The following ANKRD30A variants were observed in gnomAD, a reference collection of about 807,000 sequenced individuals.
ANKRD30A encodes the protein ankyrin repeat domain 30A, also known as ankyrin repeat domain-containing protein 30A.
In ANKRD30A, 170 loss-of-function variants were observed where a neutral mutation model predicts 166.3. That is an observed-to-expected ratio of 1.02 (90% CI 0.90 to 1.16). ANKRD30A has a LOEUF of 1.16. Among genes scored for constraint, ANKRD30A ranks in the 50% most tolerant of loss-of-function variants. The probability of loss-of-function intolerance (pLI) is 0.00; values close to 1 mark genes in which losing one functional copy is unlikely to be tolerated. For missense variants in ANKRD30A, 1,630 were observed against 1,518.0 expected (o/e 1.07, Z -1.23); for synonymous variants, 564 against 508.9 (o/e 1.11, Z -1.46).
At chr10:37,240,120 T>C in the ANKRD30A span, among the ~76,000 whole-genome samples, 1 of 152,164 alleles carries the variant, frequency 6.6e-6, no homozygotes, top group Non-Finnish European at 1.5e-5. Flanking sequence ...ATAGATAGTA[T>C]GCTAATTATT....
intron 31 of ANKRD30A, among the ~76,000 whole-genome samples, chr10:37,209,611 G>C (rs1842172957): frequency 6.6e-6 from 1 of 152,046 alleles, no homozygotes; most frequent in Non-Finnish European, 1.5e-5. Context: ...GATTTTGGTG[G>C]GGACACACAT....
At chr10:37,245,863 A>C in the ANKRD30A span, among the ~76,000 whole-genome samples, 1 of 152,184 alleles carries the variant, frequency 6.6e-6, no homozygotes, top group African/African-American at 2.4e-5. Flanking sequence ...TTAGCTGGGT[A>C]ATCTCAGGCC....
At chr10:37,166,081 T>C (rs1174779976) in intron 18 of ANKRD30A, among the ~76,000 whole-genome samples, 2 of 152,140 alleles carry the variant, frequency 1.3e-5, no homozygotes, top group Non-Finnish European at 2.9e-5. Context: ...AAGCCCCTGT[T>C]TACCGAAAGA....
chr10:37,149,301 A>C (rs527318864), intron 9 of ANKRD30A, among the ~76,000 whole-genome samples: 16 of 152,198 alleles, frequency 1.1e-4, no homozygotes, highest in African/African-American at 3.4e-4. Context: ...ATTAAAGAAC[A>C]TGATGAATAG....
the ANKRD30A span, chr10:37,248,299 GT>G: frequency 2.1e-6 from 1 of 473,624 alleles, no homozygotes; most frequent in South Asian, 1.7e-5. Context: ...CCACTGTTCA[GT>G]TCTGGTCATC....
chr10:37,216,342 T>A lies in ANKRD30A; in HGVS notation c.3031T>A (p.Ser1011Thr), dbSNP rs1842608376. 6.2e-7 allele frequency: 1 copy of A among 1,608,212 alleles called. No homozygotes were observed. The highest frequency in any genetic ancestry group is 1.3e-5 in the African/African-American group (1 of 74,476). Reference protein sequence around the residue: ...KKLSEAKEIKSQLENQKVKWE... With the variant: ...KKLSEAKEIKTQLENQKVKWE... ...ACTGTCAGAAGCAAAAGAAATAAAA[T>A]CACAGTTAGAGAACCAAAAAGTTAA... Residue 1011 changes from serine (S) to threonine (T), a missense_variant, in exon 32 of 36, where the codon TCA becomes ACA. Coordinates refer to ENST00000361713, the MANE Select transcript of ANKRD30A (RefSeq NM_052997.3).
chr10:37,223,883 A>C (rs1843003941), intron 34 of ANKRD30A, among the ~76,000 whole-genome samples: 1 of 151,122 alleles, frequency 6.6e-6, no homozygotes, highest in Non-Finnish European at 1.5e-5. Flanking sequence ...CTGGAGGATA[A>C]TTTGGATCAA....
downstream of ANKRD30A, among the ~76,000 whole-genome samples, chr10:37,233,622 A>G (rs577168118): frequency 1.3e-5 from 2 of 152,270 alleles, no homozygotes; most frequent in South Asian, 4.1e-4. Context: ...CTTTGTGCAC[A>G]ATTGGTTTGC....
intron 27 of ANKRD30A, among the ~76,000 whole-genome samples, chr10:37,193,685 T>C (rs1420326689): frequency 1.3e-5 from 2 of 152,088 alleles, no homozygotes; most frequent in Non-Finnish European, 2.9e-5. Context: ...AAATCAGTTT[T>C]TTTTTTATTA....
intron 34 of ANKRD30A, among the ~76,000 whole-genome samples, chr10:37,220,339 T>A (rs1361169515): frequency 6.6e-6 from 1 of 151,144 alleles, no homozygotes; most frequent in Non-Finnish European, 1.5e-5. Context: ...AGCAATTTAC[T>A]TTGACAGTTA....
chr10:37,215,167 CT>C (rs1842539494), intron 31 of ANKRD30A, among the ~76,000 whole-genome samples: 1 of 151,272 alleles, frequency 6.6e-6, no homozygotes, highest in Admixed American at 6.6e-5. Flanking sequence ...TTCATTTTTG[CT>C]TTTTATGGTA....
chr10:37,229,668 T>G (rs1392443889), intron 34 of ANKRD30A, among the ~76,000 whole-genome samples: 1 of 151,958 alleles, frequency 6.6e-6, no homozygotes, highest in Non-Finnish European at 1.5e-5. Context: ...TTCAGCTTCT[T>G]TTTCACGTAT....
intron 24 of ANKRD30A, among the ~76,000 whole-genome samples, chr10:37,182,919 A>G (rs1054393745): frequency 2.0e-5 from 3 of 151,396 alleles, no homozygotes; most frequent in Admixed American, 6.6e-5. Flanking sequence ...TTCAATAAAT[A>G]GTTGTACACT....
the ANKRD30A span, among the ~76,000 whole-genome samples, chr10:37,249,574 T>A: frequency 6.6e-6 from 1 of 152,152 alleles, no homozygotes; most frequent in Non-Finnish European, 1.5e-5. Flanking sequence ...CTACTGAGGA[T>A]CAAACTATAT....
chr10:37,164,758 A>AT (rs1839174715), intron 17 of ANKRD30A, among the ~76,000 whole-genome samples: 1 of 152,122 alleles, frequency 6.6e-6, no homozygotes, highest in Non-Finnish European at 1.5e-5. Context: ...ATGAGAGATG[A>AT]TAGGTAATTA....
At chr10:37,191,098 A>C (rs939172999) in intron 25 of ANKRD30A, among the ~76,000 whole-genome samples, 13 of 151,890 alleles carry the variant, frequency 8.6e-5, no homozygotes, top group Non-Finnish European at 1.6e-4. Context: ...ATTAATATTT[A>C]AAAGTCTGTT....
intron 34 of ANKRD30A, among the ~76,000 whole-genome samples, chr10:37,225,821 T>C (rs544049235): frequency 6.6e-6 from 1 of 151,960 alleles, no homozygotes; most frequent in Non-Finnish European, 1.5e-5. Flanking sequence ...TGAGATATAA[T>C]TAACATGCCA....
the ANKRD30A span, among the ~76,000 whole-genome samples, chr10:37,257,181 T>C: frequency 2.0e-5 from 3 of 152,268 alleles, no homozygotes; most frequent in Admixed American, 6.5e-5. Context: ...TTTATTTGCA[T>C]TGAGGTATTT....
Position 37,219,546 on chromosome 10 carries a change from A to C in ANKRD30A, c.3834A>C (p.Thr1278=). 9 of 1,610,394 alleles carry C rather than the reference A, an allele frequency of 5.6e-6. No homozygotes were observed. Among genetic ancestry groups the C allele is most frequent in the Non-Finnish European group, 7.6e-6 (9 of 1,177,714 alleles). The change falls in exon 34 of 36, where the codon ACA becomes ACC. Residue 1278 remains threonine (T), a synonymous_variant. Coordinates refer to ENST00000361713, the MANE Select transcript of ANKRD30A (RefSeq NM_052997.3). ...CAGGAGATGCTCTAAGAGAAAATAC[A>C]TTGGTTTCAGAACATGCACAAAGAG... The part of the protein sequence containing the change: ...NYAGDALREN[T]LVSEHAQRDQ...
Sources: allele counts gnomAD v4.1 joint callset (sites outside exome capture counted in the v4.1 genomes callset), GRCh38; gene constraint gnomAD v4.1.1; transcripts MANE v1.5; gene names NCBI Gene and HGNC (gene_info 2026-07-23, HGNC 2026-07-21).